CASKIN2: variants seen among roughly 807,000 people sequenced by gnomAD.
The protein encoded by CASKIN2 is caskin-2.
Under a neutral mutation model 107.1 loss-of-function variants are expected in CASKIN2, and 41 were observed. That is an observed-to-expected ratio of 0.38 (90% confidence interval 0.30 to 0.50). The LOEUF (loss-of-function observed/expected upper bound fraction) is 0.50. Ranked by LOEUF, CASKIN2 falls within the 20% of genes least tolerant of loss-of-function variation. The pLI is 0.92. For missense variants in CASKIN2, 1,546 were observed against 1,657.4 expected (o/e 0.93, Z 1.17); for synonymous variants, 724 against 705.6 (o/e 1.03, Z -0.41).
chr17:75,507,816 C>T lies in CASKIN2; in HGVS notation c.147-135G>A, dbSNP rs529628950. 5.6e-4 allele frequency: 368 copies of T among 660,400 alleles called. 2 individuals are homozygous for T. The highest frequency in any genetic ancestry group is 5.4e-3 in the African/African-American group (304 of 55,832). 40.9% of individuals were successfully genotyped at this position (660,400 alleles called of 1,614,324 possible). A position where few individuals can be genotyped will look rare whatever the true frequency, so the allele number is the denominator to read the frequency against. ...GCCCCCCCAACCCCAGCAGCCCTGC[C>T]GTGGGAGCGCAGTGGCTGAGCCACA... On this transcript the variant is annotated intron_variant, in intron 3 of 19. Coordinates refer to ENST00000321617, the MANE Select transcript of CASKIN2 (RefSeq NM_020753.5).
chr17:75,508,508 C>T (rs1403007264), intron 2 of CASKIN2, among the ~76,000 whole-genome samples: 2 of 152,236 alleles, frequency 1.3e-5, no homozygotes, highest in East Asian at 3.9e-4. Context: ...GGCTGGCTTC[C>T]CCTCGCCCCA....
At position 75,502,350 on chromosome 17, in the gene CASKIN2, A is replaced by C; in HGVS notation, c.2724T>G (p.Ser908Arg). 1 of 1,480,194 alleles carries C rather than the reference A, an allele frequency of 6.8e-7. No individual in the cohort carries two copies. The highest frequency in any genetic ancestry group is 8.9e-7 in the Non-Finnish European group (1 of 1,118,506). The allele number at this position is 1,480,194 out of a possible 1,614,324, so 91.7% of individuals were successfully genotyped here. Reference protein sequence around the residue: ...GATGPRRRTLSEPAGPSEPPG... With the variant: ...GATGPRRRTLREPAGPSEPPG... ...GGGGCTCTGAGGGGCCAGCAGGTTC[A>C]CTCAGTGTTCGCCTTCGGGGCCCTG... is the stretch of plus-strand genomic sequence containing the variant. Residue 908 changes from serine (S) to arginine (R), a missense_variant, in exon 18 of 20, where the codon AGT (serine) becomes AGG (arginine). Ser to Arg is a moderately radical substitution (Grantham distance 110, BLOSUM62 -1). Coordinates refer to ENST00000321617, the MANE Select transcript of CASKIN2 (RefSeq NM_020753.5). The surrounding 1 kb of genome is among the most constrained non-coding windows in gnomAD (Gnocchi z 4.3).
chr17:75,511,055 T>A (rs2053311813), intron 2 of CASKIN2, among the ~76,000 whole-genome samples: 1 of 127,408 alleles, frequency 7.8e-6, no homozygotes, highest in Non-Finnish European at 1.6e-5. Flanking sequence ...TCTCTTTCCC[T>A]GTCCTTTTTT....
rs565389258 is a variant in CASKIN2, at chr17:75,506,071, G to A, written c.727-142C>T. 5.0e-6 allele frequency: 4 copies of A among 795,282 alleles called. No homozygotes were observed. Among genetic ancestry groups the A allele is most frequent in the African/African-American group, 3.4e-5 (2 of 58,262 alleles). The allele number at this position is 795,282 out of a possible 1,614,324, so 49.3% of individuals were successfully genotyped here. On this transcript the variant is annotated intron_variant, in intron 8 of 19. Coordinates refer to ENST00000321617, the MANE Select transcript of CASKIN2 (RefSeq NM_020753.5). This position sits in a 1 kb window ranked among gnomAD's most constrained non-coding sequence, Gnocchi z 4.8. ...ATAGAGGCTCAGGGACTCAGTCAAG[G>A]ACAAGCTCAAGTTCACTCAGCTAGT...
At chr17:75,508,152 G>T in intron 3 of CASKIN2, 82 bp downstream of exon 3, 2 of 1,468,408 alleles carry the variant, frequency 1.4e-6, no homozygotes, top group Non-Finnish European at 1.9e-6. Flanking sequence ...CTGGGCCTCA[G>T]GATCTTTCCC....
chr17:75,502,252 G>T lies in CASKIN2; in HGVS notation c.2822C>A (p.Pro941Gln). The part of the protein sequence containing the change: ...EEEPGPEGTP[P>Q]SRGSSGEGLP... The stretch of plus-strand genomic sequence containing the variant: ...CCCTTCCCCAGAGCTGCCCCGAGAT[G>T]GGGGCGTCCCCTCAGGGCCTGGCTC... Residue 941 changes from proline (P) to glutamine (Q), a missense_variant, in exon 18 of 20, where the codon CCA becomes CAA. Physicochemically the swap from Pro to Gln is moderately conservative, Grantham distance 76. Transcript: ENST00000321617. The surrounding 1 kb of genome is among the most constrained non-coding windows in gnomAD (Gnocchi z 4.3). The T allele has an allele frequency of 1.9e-6, 3 of 1,556,020 alleles. No homozygotes were observed. Among genetic ancestry groups the T allele is most frequent in the Non-Finnish European group, 2.6e-6 (3 of 1,155,822 alleles).
intron 2 of CASKIN2, among the ~76,000 whole-genome samples, chr17:75,513,410 A>G (rs1488060673): frequency 6.6e-6 from 1 of 152,126 alleles, no homozygotes; most frequent in African/African-American, 2.4e-5. Context: ...CTGCCACTGT[A>G]CTCCAGCCTG....
rs2053171255 is a variant in CASKIN2, at chr17:75,500,930, C to T, written c.*150G>A. On this transcript the variant is annotated 3_prime_UTR_variant, in exon 20 of 20. Transcript: ENST00000321617. ...TGCCCCACAAGAGCTGTGGTGCCCA[C>T]AGCCGCGGGCTGAGTGGGAAGGGGC... 1.4e-6 allele frequency: 1 copy of T among 707,386 alleles called. No individual in the cohort carries two copies. Among genetic ancestry groups the T allele is most frequent in the Non-Finnish European group, 2.4e-6 (1 of 421,622 alleles). The allele number at this position is 707,386 out of a possible 1,614,324, so 43.8% of individuals were successfully genotyped here.
At chr17:75,509,716 C>T in intron 2 of CASKIN2, 11 of 985,480 alleles carry the variant, frequency 1.1e-5, no homozygotes, top group Non-Finnish European at 1.3e-5. Context: ...CCCTGGCCTG[C>T]CACGGTACCT....
chr17:75,504,501 G>A lies in CASKIN2; in HGVS notation c.1315-21C>T, dbSNP rs757041207. On this transcript the variant is annotated intron_variant, in intron 12 of 19. Transcript: ENST00000321617. ...AGTGGCTGGAGGAGACAGGGCAGGA[G>A]CCAACTCAGCATTTGGGGAACTGGC... 1.9e-6 allele frequency: 3 copies of A among 1,598,908 alleles called. No homozygotes were observed. The South Asian group carries it at 3.3e-5, about 18-fold the overall frequency.
In CASKIN2 at chr17:75,513,875, G is replaced by T; in HGVS notation, c.-71C>A. ...GCAGGCAACGGGTCCAAGCTGGGGC[G>T]TCAGGGCGCCATGCCACAGCCCCTT... On this transcript the variant is annotated 5_prime_UTR_variant, in exon 2 of 20. Coordinates refer to ENST00000321617, the MANE Select transcript of CASKIN2 (RefSeq NM_020753.5). The T allele has an allele frequency of 2.8e-6, 4 of 1,430,654 alleles. No individual in the cohort carries two copies. The South Asian group carries it at 3.5e-5, about 12-fold the overall frequency. The allele number at this position is 1,430,654 out of a possible 1,614,324, so 88.6% of individuals were successfully genotyped here.
At chr17:75,511,832 T>C (rs1321737414) in intron 2 of CASKIN2, among the ~76,000 whole-genome samples, 1 of 152,182 alleles carries the variant, frequency 6.6e-6, no homozygotes, top group East Asian at 1.9e-4. Context: ...GCCACTGGCC[T>C]CCAAACCCCT....
chr17:75,503,445 C>T lies in CASKIN2; in HGVS notation c.1763G>A (p.Gly588Glu). 1 of 1,612,974 alleles carries T rather than the reference C, an allele frequency of 6.2e-7. No individual in the cohort carries two copies. Among genetic ancestry groups the T allele is most frequent in the Admixed American group, 1.7e-5 (1 of 60,028 alleles). ...CTCCCAGGTGAGGTCGGCCACCAGC[C>T]CCATGGAGTCGTAGCCGCTGCTCAC... ...QLVSSGYDSMGLVADLTWEEL... is the reference protein window; with the variant it reads ...QLVSSGYDSMELVADLTWEEL... Residue 588 changes from glycine to glutamate, a missense_variant, in exon 17 of 20, where the codon GGG (glycine) becomes GAG (glutamate). By Grantham distance (98) the Gly-to-Glu change is moderately conservative. Coordinates refer to ENST00000321617, the MANE Select transcript of CASKIN2 (RefSeq NM_020753.5).
chr17:75,509,584 C>T, intron 2 of CASKIN2: 1 of 985,674 alleles, frequency 1.0e-6, no homozygotes, highest in Non-Finnish European at 1.2e-6. Flanking sequence ...GAAACACAGA[C>T]CTCCATTTTC....
chr17:75,504,317 A>T lies in CASKIN2; in HGVS notation c.1376-11T>A. 6.2e-7 allele frequency: 1 copy of T among 1,604,732 alleles called. No homozygotes were observed. The highest frequency in any genetic ancestry group is 2.2e-5 in the East Asian group (1 of 44,476). On this transcript the variant is annotated splice_polypyrimidine_tract_variant and intron_variant, in intron 13 of 19. Transcript: ENST00000321617. ...GGTGGCTCAGGTTGTCTTCAAGGAG[A>T]GAGAAAAATGGAATGGAAAGGTGGC...
chr17:75,513,436 G>C (rs1339552485), intron 2 of CASKIN2, among the ~76,000 whole-genome samples: 1 of 152,094 alleles, frequency 6.6e-6, no homozygotes, highest in Non-Finnish European at 1.5e-5. Context: ...CAAGCTATAG[G>C]CACTCAATAA....
Position 75,514,138 on chromosome 17 carries a change from C to G in CASKIN2, c.-334G>C. On this transcript the variant is annotated 5_prime_UTR_variant, in exon 2 of 20. Coordinates refer to ENST00000321617, the MANE Select transcript of CASKIN2 (RefSeq NM_020753.5). ...TCTTCCCGGCTTGGCTGTGGAACAC[C>G]AGTGCCCACCCAGAGAGCAGCCAGC... The G allele has an allele frequency of 7.6e-6, 4 of 528,410 alleles. No homozygotes were observed. The highest frequency in any genetic ancestry group is 3.0e-5 in the East Asian group (1 of 33,838). 32.7% of individuals were successfully genotyped at this position (528,410 alleles called of 1,614,324 possible).
At position 75,502,261 on chromosome 17, in the gene CASKIN2, C is replaced by T; in HGVS notation, c.2813G>A (p.Gly938Glu). ...AGAGCTGCCCCGAGATGGGGGCGTC[C>T]CCTCAGGGCCTGGCTCCTCCTCCTC... The part of the protein sequence containing the change: ...DTEEEEPGPE[G>E]TPPSRGSSGE... Residue 938 changes from glycine to glutamate, a missense_variant, in exon 18 of 20, where the codon GGG becomes GAG. Gly to Glu is a moderately conservative substitution (Grantham distance 98). This residue lies in a region of CASKIN2 where 1,311 missense variants were observed against 1,311.0 expected (regional missense o/e 1.00). Transcript: ENST00000321617. The surrounding 1 kb of genome is among the most constrained non-coding windows in gnomAD (Gnocchi z 4.3). 6.5e-7 allele frequency: 1 copy of T among 1,539,968 alleles called. No individual in the cohort carries two copies.
At chr17:75,504,729 A>C (rs2053245688) in intron 11 of CASKIN2, 36 bp from the exon 12 acceptor site, 1 of 1,578,982 alleles carries the variant, frequency 6.3e-7, no homozygotes. Flanking sequence ...CAGAGTCCCA[A>C]GTGTCGCTCT....
Sources: allele counts gnomAD v4.1 joint callset (sites outside exome capture counted in the v4.1 genomes callset), GRCh38; gene constraint gnomAD v4.1.1; regional missense constraint gnomAD v4.1.1; non-coding constraint Gnocchi (gnomAD v3.1); transcripts MANE v1.5; gene names NCBI Gene and HGNC (gene_info 2026-07-23, HGNC 2026-07-21).